Variants in SYT7 observed in about 807,000 individuals in gnomAD.
SYT7 encodes synaptotagmin-7.
SYT7 carries 29 observed loss-of-function variants against 75.1 expected under a neutral mutation model. The ratio of observed to expected loss-of-function variants is 0.39; its 90% CI spans 0.29 to 0.53. The LOEUF (loss-of-function observed/expected upper bound fraction) is 0.53, where lower values mean the gene tolerates loss of function less well. SYT7 is among the 20% of genes least tolerant of loss of function. The probability of loss-of-function intolerance (pLI) is 0.77; values close to 1 mark genes in which losing one functional copy is unlikely to be tolerated. For missense variants in SYT7, 693 were observed against 953.2 expected (o/e 0.73, Z 3.59); for synonymous variants, 376 against 401.7 (o/e 0.94, Z 0.76).
intron 8 of SYT7, among the ~76,000 whole-genome samples, chr11:61,529,837 G>A (rs544449569): frequency 1.9e-4 from 29 of 152,264 alleles, no homozygotes; most frequent in Non-Finnish European, 3.7e-4. Flanking sequence ...GTTTTGCCAC[G>A]TTGGTCAGGC....
rs918696187 is a variant in SYT7 at position 61,542,333 on chromosome 11, C to A, written c.819G>T (p.Arg273=). ...NPRAYGRGQA[R]QGTSAGSKYR... The stretch of plus-strand genomic sequence containing the variant: ...ACTTGGAGCCGGCCGAGGTGCCCTG[C>A]CGAGCCTGGCCCCGGCCATAGGCCC... The change falls in exon 6 of 13, where the codon CGG becomes CGT. Residue 273 remains arginine (R), a synonymous_variant. Coordinates refer to ENST00000539008, the MANE Select transcript of SYT7 (RefSeq NM_001365809.2). This position sits in a 1 kb window ranked among gnomAD's most constrained non-coding sequence, Gnocchi z 7.8. 5 of 1,531,244 alleles carry A rather than the reference C, an allele frequency of 3.3e-6. No homozygotes were observed. Among genetic ancestry groups the A allele is most frequent in the Non-Finnish European group, 4.4e-6 (5 of 1,144,560 alleles). 94.9% of individuals were successfully genotyped at this position (1,531,244 alleles called of 1,614,324 possible). A position where few individuals can be genotyped will look rare whatever the true frequency, so the allele number is the denominator to read the frequency against.
At position 61,518,176 on chromosome 11, in the gene SYT7, C is replaced by T. The variant is rs1412330219; in HGVS notation, c.*451G>A. 1.2e-5 allele frequency: 2 copies of T among 160,572 alleles called. No homozygotes were observed. The highest frequency in any genetic ancestry group is 2.7e-5 in the Non-Finnish European group (2 of 73,724). 9.9% of individuals were successfully genotyped at this position (160,572 alleles called of 1,614,324 possible). On this transcript the variant is annotated 3_prime_UTR_variant, in exon 13 of 13. Transcript: ENST00000539008. ...ACCTGAAACTGCCCTGGGGATGGGCCTCTCCTGGCCAGGCCGGGGCCAAAC... is the reference window on the plus strand; with the variant it reads ...ACCTGAAACTGCCCTGGGGATGGGCTTCTCCTGGCCAGGCCGGGGCCAAAC...
In SYT7 at chr11:61,533,267, C is replaced by A. The variant is rs555534232; in HGVS notation, c.1065-143G>T. ...CCGGCAGGAGCGGTACTCCAGTCCA[C>A]GTGGACACCTGGTTTTCCCTGGAGA... On this transcript the variant is annotated intron_variant, in intron 7 of 12. Coordinates refer to ENST00000539008, the MANE Select transcript of SYT7 (RefSeq NM_001365809.2). 6 of 1,420,376 alleles carry A rather than the reference C, an allele frequency of 4.2e-6. No homozygotes were observed. The South Asian group carries it at 4.5e-5, about 11-fold the overall frequency. The allele number at this position is 1,420,376 out of a possible 1,614,324, so 88.0% of individuals were successfully genotyped here.
Position 61,575,592 on chromosome 11 carries a change from C to A in SYT7, c.31+5198G>T, listed in dbSNP as rs542136269. Among the ~76,000 whole-genome samples, 12 of 152,324 alleles carry A rather than the reference C, an allele frequency of 7.9e-5. No homozygotes were observed. The South Asian group carries it at 2.5e-3, about 32-fold the overall frequency. On this transcript the variant is annotated intron_variant, in intron 1 of 12. Transcript: ENST00000539008. ...CACACAGCCAGGTAAGGCCCTGCTC[C>A]GAGCAGACGAGGCCTTCATGGCCAT...
intron 7 of SYT7, among the ~76,000 whole-genome samples, chr11:61,537,333 C>G: frequency 6.6e-6 from 1 of 151,950 alleles, no homozygotes; most frequent in East Asian, 1.9e-4. Context: ...CCATGAGCAG[C>G]GCCCCACCCC....
intron 1 of SYT7, among the ~76,000 whole-genome samples, chr11:61,566,599 G>A (rs1415147590): frequency 2.6e-5 from 4 of 152,204 alleles, no homozygotes; most frequent in Non-Finnish European, 2.9e-5. Context: ...AAATGATCAC[G>A]TCTGTCAGAG....
chr11:61,565,168 A>C (rs866840705), intron 1 of SYT7, among the ~76,000 whole-genome samples: 1 of 152,142 alleles, frequency 6.6e-6, no homozygotes, highest in Non-Finnish European at 1.5e-5. Context: ...GTGGCTCCCG[A>C]TGACGTTCAA....
At chr11:61,575,768 C>T (rs921522957) in intron 1 of SYT7, among the ~76,000 whole-genome samples, 1 of 152,188 alleles carries the variant, frequency 6.6e-6, no homozygotes, top group Non-Finnish European at 1.5e-5. Context: ...TACAAATACA[C>T]TCATTAGCTG....
At chr11:61,519,996 T>C (rs938822609) in intron 12 of SYT7, among the ~76,000 whole-genome samples, 1 of 148,784 alleles carries the variant, frequency 6.7e-6, no homozygotes, top group Admixed American at 6.8e-5. Flanking sequence ...AATTTTTGTA[T>C]TTTTAGTAGA....
In SYT7 at chr11:61,523,171, G is replaced by A. The variant is rs757564720; in HGVS notation, c.1860C>T (p.Phe620=). ...RNLNPIFNES[F]AFDIPTEKLR... ...GCTTCTCCGTGGGGATATCGAAGGC[G>A]AAGGACTCATTGAAGATGGGGTTCA... is the stretch of plus-strand genomic sequence containing the variant. The change falls in exon 12 of 13, where the codon TTC becomes TTT. Residue 620 remains phenylalanine (F), a synonymous_variant. Coordinates refer to ENST00000539008, the MANE Select transcript of SYT7 (RefSeq NM_001365809.2). The surrounding 1 kb of genome is among the most constrained non-coding windows in gnomAD (Gnocchi z 5.0). 5.3e-5 allele frequency: 85 copies of A among 1,614,060 alleles called. 3 individuals are homozygous for A. In the South Asian group the frequency reaches 5.3e-4, roughly 10 times the overall value.
intron 1 of SYT7, among the ~76,000 whole-genome samples, chr11:61,573,498 C>T (rs1001115700): frequency 6.6e-6 from 1 of 152,326 alleles, no homozygotes; most frequent in Admixed American, 6.5e-5. Context: ...TACCCACCTG[C>T]CTCCTGACTT....
At position 61,515,754 on chromosome 11, in the gene SYT7, G is replaced by A. The variant is rs180798151; in HGVS notation, c.*2873C>T. Reference sequence around the variant, plus strand: ...AGATGGTCACAAGAAAGGAAACCAGGACAAGATAAGGACTAAGTCTAGGGC... The same window carrying A: ...AGATGGTCACAAGAAAGGAAACCAGAACAAGATAAGGACTAAGTCTAGGGC... On this transcript the variant is annotated 3_prime_UTR_variant, in exon 13 of 13. Coordinates refer to ENST00000539008, the MANE Select transcript of SYT7 (RefSeq NM_001365809.2). 5.2e-3 allele frequency: 794 copies of A among 152,736 alleles called. 3 individuals carry two copies. Among genetic ancestry groups the A allele is most frequent in the South Asian group, 7.9e-3 (38 of 4,826 alleles). 9.5% of individuals were successfully genotyped at this position (152,736 alleles called of 1,614,324 possible).
At chr11:61,554,783 C>T (rs1047610889) in intron 2 of SYT7, among the ~76,000 whole-genome samples, 2 of 152,196 alleles carry the variant, frequency 1.3e-5, no homozygotes, top group African/African-American at 2.4e-5. Flanking sequence ...GCAGCCAGCC[C>T]GGTTCCACAC....
chr11:61,580,992 G>A lies in SYT7; in HGVS notation c.-172C>T, dbSNP rs1365168617. Reference sequence around the variant, plus strand: ...GCCGGGGAGCGGGGGCCGCCCGCCAGCCCTCCCGCCCGCCCGCGGAGCACG... The same window carrying A: ...GCCGGGGAGCGGGGGCCGCCCGCCAACCCTCCCGCCCGCCCGCGGAGCACG... On this transcript the variant is annotated 5_prime_UTR_variant, in exon 1 of 13. Transcript: ENST00000539008. This position sits in a 1 kb window ranked among gnomAD's most constrained non-coding sequence, Gnocchi z 6.1. 5 of 966,100 alleles carry A rather than the reference G, an allele frequency of 5.2e-6. No homozygotes were observed. In the African/African-American group the frequency reaches 7.1e-5, roughly 14 times the overall value. The allele number at this position is 966,100 out of a possible 1,614,324, so 59.8% of individuals were successfully genotyped here. A position where few individuals can be genotyped will look rare whatever the true frequency, so the allele number is the denominator to read the frequency against.
At chr11:61,527,404 G>A (rs985129862) in intron 9 of SYT7, among the ~76,000 whole-genome samples, 2 of 152,220 alleles carry the variant, frequency 1.3e-5, no homozygotes, top group Non-Finnish European at 2.9e-5. Context: ...CCAAGGTCAC[G>A]CAGCGAGTAA....
In SYT7 at chr11:61,523,063, C is replaced by T. The variant is rs1253403028; in HGVS notation, c.1956+12G>A. ...GCCAGCAGGTGCACCACACCACCTGCCTCGCCCCTACCTTGCCGATGACGT... is the reference window on the plus strand; with the variant it reads ...GCCAGCAGGTGCACCACACCACCTGTCTCGCCCCTACCTTGCCGATGACGT... On this transcript the variant is annotated intron_variant, in intron 12 of 12. Coordinates refer to ENST00000539008, the MANE Select transcript of SYT7 (RefSeq NM_001365809.2). This position sits in a 1 kb window ranked among gnomAD's most constrained non-coding sequence, Gnocchi z 5.0. 1.9e-6 allele frequency: 3 copies of T among 1,613,810 alleles called. No homozygotes were observed. Among genetic ancestry groups the T allele is most frequent in the Non-Finnish European group, 2.5e-6 (3 of 1,180,014 alleles).
At position 61,574,484 on chromosome 11, in the gene SYT7, T is replaced by C. The variant is rs192803709; in HGVS notation, c.31+6306A>G. ...GCTTGCTATTATCATACTATTGTTA[T>C]TATCAGGGGAGGACACAGGATGTGT... On this transcript the variant is annotated intron_variant, in intron 1 of 12. Coordinates refer to ENST00000539008, the MANE Select transcript of SYT7 (RefSeq NM_001365809.2). Among the ~76,000 whole-genome samples, 5 of 152,308 alleles carry C rather than the reference T, an allele frequency of 3.3e-5. No homozygotes were observed. In the East Asian group the frequency reaches 9.7e-4, roughly 29 times the overall value.
intron 12 of SYT7, among the ~76,000 whole-genome samples, chr11:61,519,118 G>T (rs1015865354): frequency 2.6e-5 from 4 of 152,240 alleles, no homozygotes; most frequent in Non-Finnish European, 5.9e-5. Flanking sequence ...CTACATGTGA[G>T]TACTGAGCTA....
chr11:61,523,749 G>T lies in SYT7; in HGVS notation c.1756+78C>A. ...TGGGGTGAGGACCACTGCAGACCCT[G>T]CTCTCCACATCCGGTGTAAACCTTG... On this transcript the variant is annotated intron_variant, in intron 11 of 12. Coordinates refer to ENST00000539008, the MANE Select transcript of SYT7 (RefSeq NM_001365809.2). This position sits in a 1 kb window ranked among gnomAD's most constrained non-coding sequence, Gnocchi z 5.0. The T allele has an allele frequency of 2.8e-6, 4 of 1,405,018 alleles. No homozygotes were observed. Among genetic ancestry groups the T allele is most frequent in the Non-Finnish European group, 3.0e-6 (3 of 1,003,684 alleles). The allele number at this position is 1,405,018 out of a possible 1,614,324, so 87.0% of individuals were successfully genotyped here.
Sources: gnomAD v4.1 joint callset for allele counts (sites outside exome capture counted in the v4.1 genomes callset) on GRCh38, gnomAD v4.1.1 for gene constraint, Gnocchi (gnomAD v3.1) non-coding constraint, MANE v1.5 for transcripts, NCBI Gene and HGNC (gene_info 2026-07-23, HGNC 2026-07-21) for gene names.